CREBL2: variants seen among roughly 807,000 people sequenced by gnomAD.
CREBL2 encodes the protein cAMP responsive element binding protein like 2.
A neutral mutation model predicts 19.5 loss-of-function variants in CREBL2; 4 were observed. The ratio of observed to expected loss-of-function variants is 0.20; its 90% confidence interval spans 0.10 to 0.47. CREBL2 has a LOEUF of 0.47. Ranked by LOEUF, CREBL2 falls within the 20% of genes least tolerant of loss-of-function variation. The pLI is 0.98. For synonymous variants in CREBL2, 42 were observed against 46.6 expected (o/e 0.90, Z 0.40); for missense variants, 85 against 145.1 (o/e 0.59, Z 2.13).
chr12:12,618,837 C>T (rs896470648), intron 1 of CREBL2, among the ~76,000 whole-genome samples: 20 of 151,974 alleles, frequency 1.3e-4, no homozygotes, highest in East Asian at 1.9e-4. Flanking sequence ...GAGACCAGCC[C>T]GGCCAGCCCG....
intron 3 of CREBL2, among the ~76,000 whole-genome samples, chr12:12,639,557 A>G (rs747940835): frequency 2.0e-5 from 3 of 152,166 alleles, no homozygotes; most frequent in African/African-American, 7.2e-5. Flanking sequence ...GATGCTGAAC[A>G]TATTTTCTAT....
intron 1 of CREBL2, among the ~76,000 whole-genome samples, chr12:12,624,577 T>C: frequency 6.6e-6 from 1 of 152,238 alleles, no homozygotes; most frequent in South Asian, 2.1e-4. Flanking sequence ...ATCGGCCAGC[T>C]GCTTTGGTGC....
chr12:12,635,832 T>C lies in CREBL2; in HGVS notation c.71T>C (p.Ile24Thr). 6.2e-7 allele frequency: 1 copy of C among 1,613,952 alleles called. No individual in the cohort carries two copies. Among genetic ancestry groups the C allele is most frequent in the Non-Finnish European group, 8.5e-7 (1 of 1,179,958 alleles). The change falls in exon 2 of 4, where the codon ATT becomes ACT. Residue 24 changes from isoleucine to threonine, a missense_variant. This residue lies in a region of CREBL2 where 5 missense variants were observed against 16.3 expected (regional missense o/e 0.31). Transcript: ENST00000228865. Reference sequence around the variant, plus strand: ...AAACGTGGTCGGAAGCCAGCCAAAATTGACTTGAAAGCAAAACTTGAGAGG... The same window carrying C: ...AAACGTGGTCGGAAGCCAGCCAAAACTGACTTGAAAGCAAAACTTGAGAGG... The part of the protein sequence containing the change: ...PGKRGRKPAK[I>T]DLKAKLERSR...
intron 3 of CREBL2, among the ~76,000 whole-genome samples, chr12:12,638,810 G>GTTT (rs1032919206): frequency 6.6e-6 from 1 of 152,150 alleles, no homozygotes; most frequent in Non-Finnish European, 1.5e-5. Context: ...GCCCATCATC[G>GTTT]TAAGGATTGT....
chr12:12,617,254 C>G (rs1267076325), intron 1 of CREBL2, among the ~76,000 whole-genome samples: 7 of 152,214 alleles, frequency 4.6e-5, no homozygotes, highest in African/African-American at 1.4e-4. Flanking sequence ...TCAGTGTGCT[C>G]CAGCTGAGCA....
intron 1 of CREBL2, among the ~76,000 whole-genome samples, chr12:12,612,455 C>T (rs1945275004): frequency 6.6e-6 from 1 of 152,212 alleles, no homozygotes; most frequent in Admixed American, 6.5e-5. Flanking sequence ...TAGTCCTTAA[C>T]TTGCCTGTCG....
intron 1 of CREBL2, among the ~76,000 whole-genome samples, chr12:12,618,815 G>A (rs368589247): frequency 2.2e-4 from 33 of 152,344 alleles, no homozygotes; most frequent in East Asian, 1.9e-4. Flanking sequence ...GATCACTCGC[G>A]GTCAGGAGCT....
chr12:12,613,824 A>G (rs910197271), intron 1 of CREBL2, among the ~76,000 whole-genome samples: 2 of 151,986 alleles, frequency 1.3e-5, no homozygotes, highest in Non-Finnish European at 2.9e-5. Context: ...CAGTTTTACT[A>G]TAGTAACATT....
At chr12:12,624,555 A>G (rs1945385631) in intron 1 of CREBL2, among the ~76,000 whole-genome samples, 1 of 152,220 alleles carries the variant, frequency 6.6e-6, no homozygotes, top group South Asian at 2.1e-4. Context: ...ACTGGAGTGA[A>G]TGAGCACGGG....
Position 12,642,056 on chromosome 12 carries a change from G to A in CREBL2, c.*58G>A. On this transcript the variant is annotated 3_prime_UTR_variant, in exon 4 of 4. Coordinates refer to ENST00000228865, the MANE Select transcript of CREBL2 (RefSeq NM_001310.4). ...CAATATTCTGATTCCCATGGAAGATGGATGGGCAAGAGTGTACTTCTTGGC... is the reference window on the plus strand; with the variant it reads ...CAATATTCTGATTCCCATGGAAGATAGATGGGCAAGAGTGTACTTCTTGGC... The A allele has an allele frequency of 1.1e-5, 16 of 1,392,878 alleles. No individual in the cohort carries two copies. The highest frequency in any genetic ancestry group is 1.6e-5 in the Non-Finnish European group (16 of 992,270). 86.3% of individuals were successfully genotyped at this position (1,392,878 alleles called of 1,614,324 possible). A position where few individuals can be genotyped will look rare whatever the true frequency, so the allele number is the denominator to read the frequency against.
intron 1 of CREBL2, among the ~76,000 whole-genome samples, chr12:12,631,413 CTA>C (rs1409743027): frequency 1.3e-5 from 2 of 152,094 alleles, no homozygotes; most frequent in Non-Finnish European, 2.9e-5. Flanking sequence ...TCACATGACT[CTA>C]TGTCAGTAGA....
At chr12:12,618,166 CAATGAGCTGTT>C (rs1261537125) in intron 1 of CREBL2, among the ~76,000 whole-genome samples, 2 of 152,230 alleles carry the variant, frequency 1.3e-5, no homozygotes, top group African/African-American at 2.4e-5. Flanking sequence ...GGCCCATTCT[CAATGAGCTGTT>C]GGGTACACCT....
At chr12:12,614,067 C>T (rs1343414598) in intron 1 of CREBL2, among the ~76,000 whole-genome samples, 1 of 146,274 alleles carries the variant, frequency 6.8e-6, no homozygotes, top group Non-Finnish European at 1.5e-5. Context: ...GATCTCGGCT[C>T]ACTGCCGAGA....
At chr12:12,627,539 T>C (rs1340597252) in intron 1 of CREBL2, among the ~76,000 whole-genome samples, 1 of 152,242 alleles carries the variant, frequency 6.6e-6, no homozygotes, top group Non-Finnish European at 1.5e-5. Context: ...ATCAGTGTTG[T>C]ACCGTGTGTC....
chr12:12,612,056 G>C lies in CREBL2; in HGVS notation c.-117G>C. The C allele has an allele frequency of 8.0e-7, 1 of 1,256,480 alleles. No individual in the cohort carries two copies. Among genetic ancestry groups the C allele is most frequent in the Non-Finnish European group, 1.1e-6 (1 of 876,680 alleles). The allele number at this position is 1,256,480 out of a possible 1,614,324, so 77.8% of individuals were successfully genotyped here. On this transcript the variant is annotated 5_prime_UTR_variant, in exon 1 of 4. Transcript: ENST00000228865. The stretch of plus-strand genomic sequence containing the variant: ...AGGGAAGCGAACTGTTAGGCGAGAG[G>C]AGGAGGCAGCCAGAACCATATCCCC...
intron 3 of CREBL2, among the ~76,000 whole-genome samples, 184 bp downstream of exon 3, chr12:12,637,898 T>C (rs1406904178): frequency 4.6e-5 from 7 of 151,474 alleles, no homozygotes; most frequent in Non-Finnish European, 7.4e-5. Flanking sequence ...AAAAATTCGC[T>C]GGGCATGGGG....
At chr12:12,637,793 C>T (rs1157405704) in intron 3 of CREBL2, 79 bp downstream of exon 3, 2 of 1,426,766 alleles carry the variant, frequency 1.4e-6, no homozygotes, top group African/African-American at 2.9e-5. Flanking sequence ...GTAATCCTAG[C>T]ACTTTGGGAG....
chr12:12,637,641 AGAG>A lies in CREBL2; in HGVS notation c.286_288del (p.Glu96del), dbSNP rs746039961. ...AAATAAAGGCCCTACTCACTGGAGA[AGAG>A]CAGAACAAATCTCAGCAGAACTCAA... On this transcript the variant is annotated inframe_deletion, in exon 3 of 4. Coordinates refer to ENST00000228865, the MANE Select transcript of CREBL2 (RefSeq NM_001310.4). 2.5e-6 allele frequency: 4 copies of A among 1,613,670 alleles called. No homozygotes were observed. The African/African-American group carries it at 5.3e-5, about 22-fold the overall frequency.
intron 1 of CREBL2, among the ~76,000 whole-genome samples, chr12:12,631,823 TA>T (rs1945444292): frequency 1.3e-5 from 2 of 152,200 alleles, no homozygotes. Context: ...AAATTCCTTT[TA>T]CCAAATACTT....
Sources: allele counts gnomAD v4.1 joint callset (sites outside exome capture counted in the v4.1 genomes callset), GRCh38; gene constraint gnomAD v4.1.1; regional missense constraint gnomAD v4.1.1; transcripts MANE v1.5; gene names NCBI Gene and HGNC (gene_info 2026-07-23, HGNC 2026-07-21).